Variants in EPHA2 observed in about 807,000 individuals in gnomAD.
The protein encoded by EPHA2 is EPH receptor A2, also known as ephrin type-A receptor 2.
Under a neutral mutation model 104.9 loss-of-function variants are expected in EPHA2, and 54 were observed. The ratio of observed to expected loss-of-function variants is 0.51; its 90% CI spans 0.41 to 0.65. EPHA2 has a LOEUF of 0.65. EPHA2 is among the 30% of genes least tolerant of loss of function. The pLI, the probability that EPHA2 is intolerant of heterozygous loss-of-function variation, is 0.00. For synonymous variants in EPHA2, 560 were observed against 559.1 expected, an observed-to-expected ratio of 1.00 and a Z score of -0.02; for missense variants, 1,117 against 1,369.5, an observed-to-expected ratio of 0.82 and a Z score of 2.91.
rs181812999 is a variant in EPHA2 at position 16,151,581 on chromosome 1, A to T, written c.86-618T>A. On this transcript the variant is annotated intron_variant, in intron 1 of 16. Coordinates refer to ENST00000358432, the MANE Select transcript of EPHA2 (RefSeq NM_004431.5). ...TCCAGGGTGGAGGAGGGAAGAGGGT[A>T]TCTGGAAACCGATCTTCTCACCACA... Among the ~76,000 whole-genome samples, 7 of 152,262 alleles carry T rather than the reference A, an allele frequency of 4.6e-5. No homozygotes were observed. The East Asian group carries it at 1.2e-3, about 25-fold the overall frequency.
chr1:16,140,170 C>T (rs1442198632), intron 3 of EPHA2, among the ~76,000 whole-genome samples: 1 of 152,242 alleles, frequency 6.6e-6, no homozygotes, highest in African/African-American at 2.4e-5. Flanking sequence ...TGACTCTGCT[C>T]TCAGAGCCAG....
rs1034858824 is a variant in EPHA2, at chr1:16,125,986, C to T, written c.2826-666G>A. Reference sequence around the variant, plus strand: ...TGCGAGTCTTCATGGGTGAGGCTTGCGGGTCACCAGATCCAGTGACTAGGA... The same window carrying T: ...TGCGAGTCTTCATGGGTGAGGCTTGTGGGTCACCAGATCCAGTGACTAGGA... On this transcript the variant is annotated intron_variant, in intron 16 of 16. Coordinates refer to ENST00000358432, the MANE Select transcript of EPHA2 (RefSeq NM_004431.5). This position sits in a 1 kb window ranked among gnomAD's most constrained non-coding sequence, Gnocchi z 4.9. 6.6e-5 allele frequency among the ~76,000 whole-genome samples: 10 copies of T among 152,174 alleles called. No homozygotes were observed. The highest frequency in any genetic ancestry group is 1.9e-4 in the African/African-American group (8 of 41,426).
chr1:16,138,253 C>A lies in EPHA2; in HGVS notation c.979+22G>T, dbSNP rs763633771. On this transcript the variant is annotated intron_variant, in intron 4 of 16. Coordinates refer to ENST00000358432, the MANE Select transcript of EPHA2 (RefSeq NM_004431.5). ...GACACGTCACCCTCAGTCACGCCAC[C>A]CTGACCCACTGCAAGACTCACGTGT... The A allele has an allele frequency of 9.9e-6, 16 of 1,613,064 alleles. No individual in the cohort carries two copies. In the East Asian group the frequency reaches 3.6e-4, roughly 36 times the overall value.
rs377416520 is a variant in EPHA2, at chr1:16,139,213, G to A, written c.824-783C>T. Among the ~76,000 whole-genome samples, 18 of 152,064 alleles carry A rather than the reference G, an allele frequency of 1.2e-4. No homozygotes were observed. In the South Asian group the frequency reaches 1.2e-3, roughly 10 times the overall value. On this transcript the variant is annotated intron_variant, in intron 3 of 16. Coordinates refer to ENST00000358432, the MANE Select transcript of EPHA2 (RefSeq NM_004431.5). ...CCACCGCCCTATCCTGTCTCATCCC[G>A]CCCCTGCCCTAAGCCCCTTCCTGGC...
chr1:16,129,191 C>T (rs567216902), intron 16 of EPHA2, among the ~76,000 whole-genome samples: 14 of 151,494 alleles, frequency 9.2e-5, no homozygotes, highest in South Asian at 2.1e-4. Flanking sequence ...GTTATGATTA[C>T]GGTTACTATT....
chr1:16,134,452 A>G lies in EPHA2; in HGVS notation c.1682+16T>C. On this transcript the variant is annotated intron_variant, in intron 8 of 16. Transcript: ENST00000358432. The surrounding 1 kb of genome is among the most constrained non-coding windows in gnomAD (Gnocchi z 4.5). ...ACCCAAGCCCATGTGGAGCCAGGGT[A>G]TGGGCTCTGACGAACCTGCGGTGGA... 6.2e-7 allele frequency: 1 copy of G among 1,613,602 alleles called. No individual in the cohort carries two copies. Among genetic ancestry groups the G allele is most frequent in the Non-Finnish European group, 8.5e-7 (1 of 1,179,664 alleles).
Position 16,132,133 on chromosome 1 carries a change from G to A in EPHA2, c.2256C>T (p.Val752=). 6.2e-7 allele frequency: 1 copy of A among 1,614,244 alleles called. No homozygotes were observed. The highest frequency in any genetic ancestry group is 8.5e-7 in the Non-Finnish European group (1 of 1,180,032). Residue 752 remains valine (V), a synonymous_variant, in exon 13 of 17, where the codon GTC becomes GTT. Coordinates refer to ENST00000358432, the MANE Select transcript of EPHA2 (RefSeq NM_004431.5). ...ARNILVNSNL[V]CKVSDFGLSR... ...ACAGGCCAAAGTCAGACACCTTGCA[G>A]ACCAGGTTGCTGTTGACGAGGATGT...
Position 16,153,499 on chromosome 1 carries a change from G to A in EPHA2, c.85+2349C>T, listed in dbSNP as rs140334357. Among the ~76,000 whole-genome samples, 35 of 152,176 alleles carry A rather than the reference G, an allele frequency of 2.3e-4. No homozygotes were observed. The East Asian group carries it at 6.0e-3, about 26-fold the overall frequency. ...CCCAGCTCAGCACCCCCTGCCACCCGCCCAGGCCCCTGCCCAGCTATGCCT... is the reference window on the plus strand; with the variant it reads ...CCCAGCTCAGCACCCCCTGCCACCCACCCAGGCCCCTGCCCAGCTATGCCT... On this transcript the variant is annotated intron_variant, in intron 1 of 16. Coordinates refer to ENST00000358432, the MANE Select transcript of EPHA2 (RefSeq NM_004431.5).
rs370381303 is a variant in EPHA2 at position 16,134,672 on chromosome 1, G to A, written c.1583-105C>T. The A allele has an allele frequency of 9.5e-6, 12 of 1,258,388 alleles. No individual in the cohort carries two copies. The highest frequency in any genetic ancestry group is 2.0e-5 in the Admixed American group (1 of 51,132). 78.0% of individuals were successfully genotyped at this position (1,258,388 alleles called of 1,614,324 possible). On this transcript the variant is annotated intron_variant, in intron 7 of 16. Transcript: ENST00000358432. This position sits in a 1 kb window ranked among gnomAD's most constrained non-coding sequence, Gnocchi z 4.5. ...GGCCCCTACTGTGTGCTGGGTGCTT[G>A]CACTTGGGAAGGCTCCAGAGGGTAC...
Position 16,125,671 on chromosome 1 carries a change from G to T in EPHA2, c.2826-351C>A, listed in dbSNP as rs1381103279. Among the ~76,000 whole-genome samples, 1 of 152,180 alleles carries T rather than the reference G, an allele frequency of 6.6e-6. No individual in the cohort carries two copies. The highest frequency in any genetic ancestry group is 1.5e-5 in the Non-Finnish European group (1 of 68,036). Reference sequence around the variant, plus strand: ...TTTCATCCCCATTTTGCAGATTAGAGAACTGAGGTCAGAGAGGTAAAGTGA... The same window carrying T: ...TTTCATCCCCATTTTGCAGATTAGATAACTGAGGTCAGAGAGGTAAAGTGA... On this transcript the variant is annotated intron_variant, in intron 16 of 16. Transcript: ENST00000358432. This position sits in a 1 kb window ranked among gnomAD's most constrained non-coding sequence, Gnocchi z 4.9.
Position 16,149,053 on chromosome 1 carries a change from G to C in EPHA2, c.154-6C>G. The stretch of plus-strand genomic sequence containing the variant: ...ATGTTCTGCATCAGGTCCCACTGTG[G>C]GGGGAAGATACAGGTTAGTGTGGGC... On this transcript the variant is annotated splice_region_variant and splice_polypyrimidine_tract_variant and intron_variant, in intron 2 of 16. Coordinates refer to ENST00000358432, the MANE Select transcript of EPHA2 (RefSeq NM_004431.5). The C allele has an allele frequency of 1.2e-6, 2 of 1,611,930 alleles. No individual in the cohort carries two copies. The highest frequency in any genetic ancestry group is 1.7e-6 in the Non-Finnish European group (2 of 1,180,020).
chr1:16,152,517 G>A (rs1468009311), intron 1 of EPHA2, among the ~76,000 whole-genome samples: 1 of 152,092 alleles, frequency 6.6e-6, no homozygotes, highest in Non-Finnish European at 1.5e-5. Context: ...GCAGCGGGGT[G>A]GGCAGGGGCA....
chr1:16,149,247 T>C (rs142504583), intron 2 of EPHA2, among the ~76,000 whole-genome samples, 200 bp from the exon 3 acceptor site: 157 of 152,232 alleles, frequency 1.0e-3, no homozygotes, highest in African/African-American at 3.7e-3. Flanking sequence ...TTCTGGCACA[T>C]GTCTGGAAGC....
At chr1:16,154,756 CAA>C (rs558609049) in intron 1 of EPHA2, among the ~76,000 whole-genome samples, 2,116 of 66,808 alleles carry the variant, frequency 0.032, 51 homozygotes, top group African/African-American at 0.11. Context: ...AACTCCGTCT[CAA>C]AAAAAAAAAA....
intron 3 of EPHA2, among the ~76,000 whole-genome samples, chr1:16,146,701 C>T (rs1304304115): frequency 6.6e-6 from 1 of 152,200 alleles, no homozygotes; most frequent in East Asian, 1.9e-4. Context: ...CCAGAAAGCT[C>T]GTAGGGAACT....
chr1:16,138,241 C>G (rs201924098), intron 4 of EPHA2, 34 bp downstream of exon 4: 1 of 1,612,734 alleles, frequency 6.2e-7, no homozygotes, highest in African/African-American at 1.3e-5. Flanking sequence ...ACGTCACCCT[C>G]AGTCACGCCA....
chr1:16,130,438 C>T lies in EPHA2; in HGVS notation c.2476-19G>A. The T allele has an allele frequency of 2.6e-6, 4 of 1,534,656 alleles. No individual in the cohort carries two copies. In the South Asian group the frequency reaches 3.9e-5, roughly 15 times the overall value. ...TCATCACCTGGCGGGGCACGAAGGT[C>T]AGGGGCGCTGTTGCAGAAAGCCACT... is the stretch of plus-strand genomic sequence containing the variant. On this transcript the variant is annotated intron_variant, in intron 14 of 16. Transcript: ENST00000358432. This position sits in a 1 kb window ranked among gnomAD's most constrained non-coding sequence, Gnocchi z 4.5.
chr1:16,146,718 C>T lies in EPHA2; in HGVS notation c.823+1660G>A, dbSNP rs558101723. Among the ~76,000 whole-genome samples the T allele has an allele frequency of 2.4e-3, 373 of 152,292 alleles. 2 individuals are homozygous for T. Among genetic ancestry groups the T allele is most frequent in the South Asian group, 8.3e-3 (40 of 4,828 alleles). The stretch of plus-strand genomic sequence containing the variant: ...AGAAAGCTCGTAGGGAACTTCTCAT[C>T]GGGGGGTTTACAGACCGTGTTAAGT... On this transcript the variant is annotated intron_variant, in intron 3 of 16. Transcript: ENST00000358432.
intron 5 of EPHA2, among the ~76,000 whole-genome samples, chr1:16,136,385 C>T (rs1388387176): frequency 3.3e-5 from 5 of 150,588 alleles, no homozygotes; most frequent in Non-Finnish European, 5.9e-5. Flanking sequence ...TTTGGGAGGC[C>T]GAGGCGGGAG....
Sources: gnomAD v4.1 joint callset for allele counts (sites outside exome capture counted in the v4.1 genomes callset) on GRCh38, gnomAD v4.1.1 for gene constraint, Gnocchi (gnomAD v3.1) non-coding constraint, MANE v1.5 for transcripts, NCBI Gene and HGNC (gene_info 2026-07-23, HGNC 2026-07-21) for gene names.